The following AFAP1L1 variants were observed in gnomAD, a reference collection of about 807,000 sequenced individuals.
AFAP1L1 encodes the protein actin filament-associated protein 1-like 1.
Under a neutral mutation model 99.8 loss-of-function variants are expected in AFAP1L1, and 77 were observed. The observed-to-expected ratio is 0.77, with a 90% CI of 0.64 to 0.93. The LOEUF (loss-of-function observed/expected upper bound fraction) is 0.93. Ranked by LOEUF, AFAP1L1 falls within the 40% of genes least tolerant of loss-of-function variation. The pLI, the probability that AFAP1L1 is intolerant of heterozygous loss-of-function variation, is 0.00. For missense variants in AFAP1L1, 893 were observed against 996.8 expected (o/e 0.90, Z 1.40); for synonymous variants, 373 against 395.3 (o/e 0.94, Z 0.67).
intron 7 of AFAP1L1, among the ~76,000 whole-genome samples, chr5:149,307,818 T>TTCTCTCTC (rs70973517): frequency 0.029 from 2,944 of 100,524 alleles, 297 homozygotes; most frequent in Middle Eastern, 0.077. Context: ...GTGCCTCTCT[T>TTCTCTCTC]TCTCTCTCTC....
rs377557154 is a variant in AFAP1L1 at position 149,317,982 on chromosome 5, G to A, written c.1479+42G>A. 5.7e-4 allele frequency: 882 copies of A among 1,542,770 alleles called. 1 individual carries two copies. The highest frequency in any genetic ancestry group is 2.8e-3 in the Middle Eastern group (15 of 5,284). ...GGACGTGGGTGGCTCTTGGTCTGGGGACTCTGGCCTGAGTGTCATGTTTTT... is the reference window on the plus strand; with the variant it reads ...GGACGTGGGTGGCTCTTGGTCTGGGAACTCTGGCCTGAGTGTCATGTTTTT... On this transcript the variant is annotated intron_variant, in intron 12 of 18. Coordinates refer to ENST00000296721, the MANE Select transcript of AFAP1L1 (RefSeq NM_152406.4).
In AFAP1L1 at chr5:149,310,024, C is replaced by T. The variant is rs1756569582; in HGVS notation, c.816C>T (p.Tyr272=). 5 of 1,614,238 alleles carry T rather than the reference C, an allele frequency of 3.1e-6. No individual in the cohort carries two copies. The highest frequency in any genetic ancestry group is 4.2e-6 in the Non-Finnish European group (5 of 1,180,042). Residue 272 remains tyrosine, a synonymous_variant, in exon 8 of 19, where the codon TAC becomes TAT. Transcript: ENST00000296721. The part of the protein sequence containing the change: ...RLALDTCSII[Y]VPKDSRHKRH... ...CACTGGATACCTGCAGCATCATCTACGTGCCCAAGGACAGCCGGCACAAGA... is the reference window on the plus strand; with the variant it reads ...CACTGGATACCTGCAGCATCATCTATGTGCCCAAGGACAGCCGGCACAAGA...
intron 5 of AFAP1L1, among the ~76,000 whole-genome samples, chr5:149,305,286 A>C (rs1756372222): frequency 6.6e-6 from 1 of 152,232 alleles, no homozygotes; most frequent in African/African-American, 2.4e-5. Flanking sequence ...TGATAGAGAT[A>C]GGATTTGAAC....
chr5:149,313,179 G>A (rs776955856), intron 9 of AFAP1L1, among the ~76,000 whole-genome samples: 2 of 151,564 alleles, frequency 1.3e-5, no homozygotes, highest in South Asian at 4.2e-4. Flanking sequence ...GAGAGAAGCA[G>A]TCATTAGCCA....
At chr5:149,336,316 AT>A (rs1757406791) in intron 18 of AFAP1L1, among the ~76,000 whole-genome samples, 1 of 152,256 alleles carries the variant, frequency 6.6e-6, no homozygotes, top group Non-Finnish European at 1.5e-5. Flanking sequence ...GTGAATAAAG[AT>A]TATAAACAGT....
chr5:149,284,056 C>A (rs1480092054), intron 1 of AFAP1L1, among the ~76,000 whole-genome samples: 3 of 152,200 alleles, frequency 2.0e-5, no homozygotes, highest in African/African-American at 7.2e-5. Flanking sequence ...TAGCCAGGAG[C>A]CCTGTAGAGA....
intron 1 of AFAP1L1, among the ~76,000 whole-genome samples, chr5:149,286,359 A>G (rs1755679592): frequency 6.6e-6 from 1 of 152,216 alleles, no homozygotes; most frequent in Non-Finnish European, 1.5e-5. Context: ...CAGATTATGC[A>G]GAGGAAATGC....
chr5:149,317,626 C>A (rs111738467), intron 11 of AFAP1L1, 103 bp from the exon 12 acceptor site: 2 of 1,220,134 alleles, frequency 1.6e-6, no homozygotes, highest in East Asian at 5.0e-5. Flanking sequence ...GAGAGCTGAC[C>A]AGGACCCCGA....
intron 18 of AFAP1L1, among the ~76,000 whole-genome samples, chr5:149,336,338 C>T (rs1171246387): frequency 6.6e-6 from 1 of 152,172 alleles, no homozygotes; most frequent in Non-Finnish European, 1.5e-5. Flanking sequence ...CATATCAGGT[C>T]AGGTCAAGTT....
Position 149,339,879 on chromosome 5 carries a change from A to G in AFAP1L1, c.2284-128A>G, listed in dbSNP as rs375489314. ...TACTCAGGGCCACAGAAAGAGAGAG[A>G]GGGGGTTAGAACCCAACGCAACCTG... On this transcript the variant is annotated intron_variant, in intron 18 of 18. Transcript: ENST00000296721. The G allele has an allele frequency of 3.4e-4, 268 of 792,352 alleles. 1 individual carries two copies. In the East Asian group the frequency reaches 5.7e-3, roughly 17 times the overall value. 49.1% of individuals were successfully genotyped at this position (792,352 alleles called of 1,614,324 possible).
At chr5:149,272,208 C>T (rs1011089914) in intron 1 of AFAP1L1, among the ~76,000 whole-genome samples, 2 of 152,204 alleles carry the variant, frequency 1.3e-5, no homozygotes, top group Non-Finnish European at 1.5e-5. Context: ...ACTCGCCTCT[C>T]GTGTGTGAAA....
rs902629599 is a variant in AFAP1L1, at chr5:149,343,004, C to G, written c.*2974C>G. ...GCCAAGTGTTCAGTCTGTCAGAATT[C>G]TACTGTCACTGTTTCCTTATTGCGG... On this transcript the variant is annotated 3_prime_UTR_variant, in exon 19 of 19. Coordinates refer to ENST00000296721, the MANE Select transcript of AFAP1L1 (RefSeq NM_152406.4). Among the ~76,000 whole-genome samples, 5 of 152,168 alleles carry G rather than the reference C, an allele frequency of 3.3e-5. No homozygotes were observed. The highest frequency in any genetic ancestry group is 7.4e-5 in the Non-Finnish European group (5 of 68,026).
At chr5:149,294,338 A>T (rs541219214) in intron 1 of AFAP1L1, among the ~76,000 whole-genome samples, 1 of 152,204 alleles carries the variant, frequency 6.6e-6, no homozygotes, top group Admixed American at 6.5e-5. Flanking sequence ...ATCACTTTTC[A>T]TATGCCTTAT....
At chr5:149,285,987 G>T (rs1252868282) in intron 1 of AFAP1L1, among the ~76,000 whole-genome samples, 1 of 152,144 alleles carries the variant, frequency 6.6e-6, no homozygotes, top group Non-Finnish European at 1.5e-5. Context: ...CATCATCTCA[G>T]TCCTCATGGA....
At position 149,290,362 on chromosome 5, in the gene AFAP1L1, C is replaced by T. The variant is rs188791084; in HGVS notation, c.17-9147C>T. On this transcript the variant is annotated intron_variant, in intron 1 of 18. Coordinates refer to ENST00000296721, the MANE Select transcript of AFAP1L1 (RefSeq NM_152406.4). ...AGCTTACTATGTGCCAGACTCTGTT[C>T]GAGGCACATTCACATGTGTCGGGGC... Among the ~76,000 whole-genome samples, 320 of 152,312 alleles carry T rather than the reference C, an allele frequency of 2.1e-3. 1 individual carries two copies. Among genetic ancestry groups the T allele is most frequent in the Middle Eastern group, 6.8e-3 (2 of 294 alleles).
At chr5:149,287,250 A>G (rs1755711988) in intron 1 of AFAP1L1, among the ~76,000 whole-genome samples, 1 of 152,204 alleles carries the variant, frequency 6.6e-6, no homozygotes, top group Admixed American at 6.5e-5. Flanking sequence ...TTTTTAAACT[A>G]AAAATTTAAA....
intron 18 of AFAP1L1, among the ~76,000 whole-genome samples, chr5:149,339,516 G>A (rs1757501548): frequency 6.6e-6 from 1 of 152,162 alleles, no homozygotes; most frequent in South Asian, 2.1e-4. Flanking sequence ...TACAGGCACT[G>A]AAATTTGAAT....
chr5:149,336,689 A>T (rs527731022), intron 18 of AFAP1L1, among the ~76,000 whole-genome samples: 75 of 152,038 alleles, frequency 4.9e-4, no homozygotes, highest in Non-Finnish European at 3.4e-4. Context: ...CACCAGTTCC[A>T]CTCCCATGAT....
chr5:149,319,841 T>G, intron 13 of AFAP1L1, 114 bp downstream of exon 13: 1 of 1,421,662 alleles, frequency 7.0e-7, no homozygotes, highest in Non-Finnish European at 9.5e-7. Flanking sequence ...TAAGGAAAGC[T>G]CCGCTTCCTT....
Sources: gnomAD v4.1 joint callset for allele counts (sites outside exome capture counted in the v4.1 genomes callset) on GRCh38, gnomAD v4.1.1 for gene constraint, MANE v1.5 for transcripts, NCBI Gene and HGNC (gene_info 2026-07-23, HGNC 2026-07-21) for gene names.